Variants in MARCO observed in about 807,000 individuals in gnomAD.
MARCO encodes macrophage receptor MARCO.
A neutral mutation model predicts 70.0 loss-of-function variants in MARCO; 72 were observed. That is an observed-to-expected ratio of 1.03 (90% CI 0.85 to 1.25). The LOEUF is 1.25. MARCO is among the 50% of genes most tolerant of loss of function. MARCO has a pLI of 0.00. For synonymous variants in MARCO, 273 were observed against 243.1 expected (o/e 1.12, Z -1.14); for missense variants, 696 against 659.3 (o/e 1.06, Z -0.61).
chr2:118,971,827 C>A (rs1680178197), intron 4 of MARCO, among the ~76,000 whole-genome samples: 1 of 152,254 alleles, frequency 6.6e-6, no homozygotes, highest in African/African-American at 2.4e-5. Flanking sequence ...GCTGCCAGGG[C>A]AGCCTCTCTC....
Position 118,980,888 on chromosome 2 carries a change from G to T in MARCO, c.767-521G>T, listed in dbSNP as rs1023252852. Reference sequence around the variant, plus strand: ...GAGGACTCAGAAGGGGACAGGCTAGGATGAGCTCTGAATTCTGATGATAAG... The same window carrying T: ...GAGGACTCAGAAGGGGACAGGCTAGTATGAGCTCTGAATTCTGATGATAAG... On this transcript the variant is annotated intron_variant, in intron 8 of 16. Coordinates refer to ENST00000327097, the MANE Select transcript of MARCO (RefSeq NM_006770.4). 3.9e-5 allele frequency among the ~76,000 whole-genome samples: 6 copies of T among 152,294 alleles called. No homozygotes were observed. In the South Asian group the frequency reaches 1.2e-3, roughly 32 times the overall value.
At chr2:118,966,174 A>T (rs542943896) in intron 1 of MARCO, among the ~76,000 whole-genome samples, 2 of 152,266 alleles carry the variant, frequency 1.3e-5, no homozygotes, top group East Asian at 1.9e-4. Context: ...GGGATCTTTT[A>T]CAGACTTGAA....
At chr2:118,954,719 C>T (rs1244717377) in intron 1 of MARCO, among the ~76,000 whole-genome samples, 1 of 152,184 alleles carries the variant, frequency 6.6e-6, no homozygotes, top group Non-Finnish European at 1.5e-5. Context: ...GCTAAGAGGC[C>T]GTTAGTTGGT....
At chr2:118,977,357 A>C in intron 6 of MARCO, 114 bp from the exon 7 acceptor site, 3 of 839,744 alleles carry the variant, frequency 3.6e-6, no homozygotes, top group Non-Finnish European at 6.1e-6. Context: ...AGAGAGAGAA[A>C]GATCTCCTTC....
At chr2:118,974,633 C>T in intron 6 of MARCO, 68 bp downstream of exon 6, 3 of 1,458,474 alleles carry the variant, frequency 2.1e-6, no homozygotes, top group South Asian at 2.4e-5. Context: ...CTGTGGGCTG[C>T]AGACGCAGCC....
intron 1 of MARCO, among the ~76,000 whole-genome samples, chr2:118,962,332 G>GA (rs2104566560): frequency 6.6e-6 from 1 of 152,218 alleles, no homozygotes; most frequent in African/African-American, 2.4e-5. Context: ...TCATGATGTT[G>GA]ATTCTTCCTA....
chr2:118,958,653 C>A (rs1309784098), intron 1 of MARCO, among the ~76,000 whole-genome samples: 2 of 152,028 alleles, frequency 1.3e-5, no homozygotes, highest in Non-Finnish European at 2.9e-5. Flanking sequence ...TTAGAAAAAA[C>A]AATTCTAAAA....
rs199852920 is a variant in MARCO at position 118,993,239 on chromosome 2, C to T, written c.1368C>T (p.Ala456=). 1.1e-5 allele frequency: 17 copies of T among 1,614,130 alleles called. No individual in the cohort carries two copies. In the East Asian group the frequency reaches 3.1e-4, roughly 30 times the overall value. The change falls in exon 16 of 17, where the codon GCC becomes GCT. Residue 456 remains alanine, a synonymous_variant. Coordinates refer to ENST00000327097, the MANE Select transcript of MARCO (RefSeq NM_006770.4). ...ATGACGAGTGGCAAAATTCTGATGC[C>T]ATTGTCTTCTGCCGCATGCTGGGTT... ...ICDDEWQNSD[A]IVFCRMLGYS...
chr2:118,986,676 A>G (rs13028429), intron 12 of MARCO, among the ~76,000 whole-genome samples: 4,363 of 42,806 alleles, frequency 0.1, 236 homozygotes, highest in Non-Finnish European at 0.12. Context: ...AAGGAAGGAA[A>G]GAAAGAAAGA....
chr2:118,959,352 T>C (rs1679898513), intron 1 of MARCO, among the ~76,000 whole-genome samples: 2 of 151,972 alleles, frequency 1.3e-5, no homozygotes, highest in Non-Finnish European at 2.9e-5. Context: ...CAAAAGAAGA[T>C]GTACAAATGG....
chr2:118,993,324 C>A (rs1199658447), intron 16 of MARCO, 24 bp downstream of exon 16: 2 of 1,611,550 alleles, frequency 1.2e-6, no homozygotes, highest in African/African-American at 1.3e-5. Context: ...CAGCCGGGGG[C>A]CTCTTCCCCA....
rs550402822 is a variant in MARCO, at chr2:118,962,856, C to T, written c.98-6304C>T. On this transcript the variant is annotated intron_variant, in intron 1 of 16. Transcript: ENST00000327097. ...TTGGTAGTTTGTGGCTTTTCAGGAA[C>T]TAGCCTATTTCCTTTAAATTGTGAG... Among the ~76,000 whole-genome samples, 20 of 152,148 alleles carry T rather than the reference C, an allele frequency of 1.3e-4. 1 individual carries two copies. In the East Asian group the frequency reaches 2.9e-3, roughly 22 times the overall value.
intron 1 of MARCO, among the ~76,000 whole-genome samples, chr2:118,944,330 C>T (rs1335824045): frequency 1.3e-5 from 2 of 152,146 alleles, no homozygotes; most frequent in African/African-American, 4.8e-5. Flanking sequence ...AACATCCTGC[C>T]TTCTAATACA....
At chr2:118,986,548 G>GA (rs1680486926) in intron 12 of MARCO, among the ~76,000 whole-genome samples, 1 of 125,266 alleles carries the variant, frequency 8.0e-6, no homozygotes, top group African/African-American at 3.5e-5. Flanking sequence ...GAGAGAGAGA[G>GA]GAAGGAAGGA....
chr2:118,971,647 CT>C (rs1251398434), intron 4 of MARCO, 113 bp downstream of exon 4: 2 of 997,326 alleles, frequency 2.0e-6, no homozygotes, highest in African/African-American at 3.3e-5. Context: ...TTACCTTCCC[CT>C]GTCTCCACAG....
chr2:118,959,974 G>A (rs1157181376), intron 1 of MARCO, among the ~76,000 whole-genome samples: 3 of 152,008 alleles, frequency 2.0e-5, no homozygotes, highest in Non-Finnish European at 4.4e-5. Flanking sequence ...TGGGAGGGTG[G>A]TGACGGATAA....
intron 3 of MARCO, 42 bp downstream of exon 3, chr2:118,970,380 G>A (rs781230678): frequency 7.5e-6 from 11 of 1,462,480 alleles, no homozygotes; most frequent in South Asian, 7.1e-5. Flanking sequence ...CTCAACAGAG[G>A]TCTGGGAGAC....
chr2:118,973,496 G>A (rs941624467), intron 4 of MARCO, among the ~76,000 whole-genome samples: 5 of 152,044 alleles, frequency 3.3e-5, no homozygotes, highest in African/African-American at 4.8e-5. Context: ...GCTCCTCCTC[G>A]GACACCACCT....
intron 6 of MARCO, 96 bp from the exon 7 acceptor site, chr2:118,977,375 C>A (rs1250261821): frequency 9.9e-7 from 1 of 1,013,986 alleles, no homozygotes; most frequent in East Asian, 2.4e-5. Flanking sequence ...TTCTGGGAAC[C>A]TTGCTCAACT....
Sources: gnomAD v4.1 joint callset for allele counts (sites outside exome capture counted in the v4.1 genomes callset) on GRCh38, gnomAD v4.1.1 for gene constraint, MANE v1.5 for transcripts, NCBI Gene and HGNC (gene_info 2026-07-23, HGNC 2026-07-21) for gene names.